Variants in ARMC2 observed in about 807,000 individuals in gnomAD.
ARMC2 encodes armadillo repeat containing 2.
A neutral mutation model predicts 90.3 loss-of-function variants in ARMC2; 67 were observed. The ratio of observed to expected loss-of-function variants is 0.74; its 90% confidence interval spans 0.61 to 0.91. The LOEUF is 0.91. ARMC2 is among the 40% of genes least tolerant of loss of function. The probability of loss-of-function intolerance (pLI) is 0.00; values close to 1 mark genes in which losing one functional copy is unlikely to be tolerated. For missense variants in ARMC2, 920 were observed against 1,030.9 expected (o/e 0.89, Z 1.47); for synonymous variants, 393 against 393.0 (o/e 1.00, Z 0.00).
downstream of ARMC2, among the ~76,000 whole-genome samples, chr6:108,979,352 G>A (rs956276383): frequency 3.9e-5 from 6 of 152,144 alleles, no homozygotes; most frequent in South Asian, 4.1e-4. Context: ...CGTTTCTGCC[G>A]AGAGATCCGC....
chr6:108,887,056 C>T (rs550693834), intron 5 of ARMC2, among the ~76,000 whole-genome samples: 4 of 151,724 alleles, frequency 2.6e-5, no homozygotes, highest in South Asian at 2.1e-4. Context: ...TATAGGTACA[C>T]GCCACCACCC....
At chr6:108,854,566 C>CT in intron 2 of ARMC2, 81 bp downstream of exon 2, 3 of 1,373,704 alleles carry the variant, frequency 2.2e-6, no homozygotes, top group Non-Finnish European at 3.0e-6. Context: ...TTAAGGTTAG[C>CT]TTTTAAAAAT....
the ARMC2 span, chr6:108,998,627 A>G: frequency 6.2e-7 from 1 of 1,614,000 alleles, no homozygotes; most frequent in South Asian, 1.1e-5. Flanking sequence ...GGCCACCATC[A>G]CAATGAATTT....
intron 7 of ARMC2, among the ~76,000 whole-genome samples, chr6:108,902,346 A>T (rs963357766): frequency 6.6e-6 from 1 of 152,210 alleles, no homozygotes; most frequent in African/African-American, 2.4e-5. Flanking sequence ...AAAGCTAAAA[A>T]CAAGTATTCT....
the ARMC2 span, among the ~76,000 whole-genome samples, chr6:109,023,216 A>G: frequency 1.3e-5 from 2 of 152,196 alleles, no homozygotes; most frequent in Admixed American, 1.3e-4. Flanking sequence ...GATTCCATTT[A>G]TCTACTTATG....
chr6:108,915,883 A>G (rs1490100691), intron 10 of ARMC2, among the ~76,000 whole-genome samples: 3 of 152,200 alleles, frequency 2.0e-5, no homozygotes, highest in African/African-American at 7.2e-5. Flanking sequence ...AAACTGATAA[A>G]GACCAAATAG....
chr6:109,042,201 G>A, the ARMC2 span, among the ~76,000 whole-genome samples: 1 of 151,980 alleles, frequency 6.6e-6, no homozygotes, highest in African/African-American at 2.4e-5. Context: ...GGACACAGCT[G>A]AAGCAGTGCT....
At chr6:109,025,773 A>G in the ARMC2 span, among the ~76,000 whole-genome samples, 1 of 152,112 alleles carries the variant, frequency 6.6e-6, no homozygotes, top group Non-Finnish European at 1.5e-5. Flanking sequence ...TCCAGAATAT[A>G]GCACATACAG....
At chr6:108,857,713 G>C (rs1013895564) in intron 2 of ARMC2, among the ~76,000 whole-genome samples, 6 of 152,124 alleles carry the variant, frequency 3.9e-5, no homozygotes, top group Non-Finnish European at 8.8e-5. Flanking sequence ...GTTGGATTTT[G>C]CCAAATGCTT....
At chr6:108,929,547 C>CT (rs1450912235) in intron 11 of ARMC2, among the ~76,000 whole-genome samples, 1 of 152,136 alleles carries the variant, frequency 6.6e-6, no homozygotes, top group Admixed American at 6.5e-5. Flanking sequence ...ACAAACATGG[C>CT]TTACTACAGC....
At chr6:108,877,845 A>G (rs1777088108) in intron 5 of ARMC2, among the ~76,000 whole-genome samples, 1 of 152,198 alleles carries the variant, frequency 6.6e-6, no homozygotes, top group Non-Finnish European at 1.5e-5. Flanking sequence ...TTATCCCACA[A>G]ACAGCAAAAG....
At chr6:109,023,322 A>C in the ARMC2 span, among the ~76,000 whole-genome samples, 12 of 152,250 alleles carry the variant, frequency 7.9e-5, no homozygotes, top group African/African-American at 2.6e-4. Context: ...CTTCCTTCAA[A>C]AGTCTTCTCA....
At chr6:108,934,575 G>T (rs1212639774) in intron 11 of ARMC2, among the ~76,000 whole-genome samples, 1 of 151,926 alleles carries the variant, frequency 6.6e-6, no homozygotes, top group Non-Finnish European at 1.5e-5. Flanking sequence ...AAAGCTGATC[G>T]GCTTCTTGAA....
intron 3 of ARMC2, among the ~76,000 whole-genome samples, chr6:108,860,661 CA>C (rs61194526): frequency 0.015 from 873 of 60,058 alleles, 9 homozygotes; most frequent in African/African-American, 0.043. Context: ...GACTCCATCT[CA>C]AAAAAAAAAA....
intron 17 of ARMC2, among the ~76,000 whole-genome samples, chr6:108,968,778 G>C (rs1040320289): frequency 6.6e-6 from 1 of 152,176 alleles, no homozygotes; most frequent in Non-Finnish European, 1.5e-5. Context: ...CACTGTTTTT[G>C]CAAATACTGG....
intron 17 of ARMC2, among the ~76,000 whole-genome samples, chr6:108,966,539 G>T (rs1778385903): frequency 6.6e-6 from 1 of 152,082 alleles, no homozygotes; most frequent in Non-Finnish European, 1.5e-5. Flanking sequence ...GAAATAATTG[G>T]GTTTGCTAGG....
the ARMC2 span, among the ~76,000 whole-genome samples, chr6:109,046,695 C>G: frequency 7.4e-6 from 1 of 135,300 alleles, no homozygotes; most frequent in Non-Finnish European, 1.6e-5. Flanking sequence ...TCTGCCCGGC[C>G]GCCCATCGTC....
At chr6:108,921,488 A>C (rs1393267374) in intron 10 of ARMC2, among the ~76,000 whole-genome samples, 3 of 142,494 alleles carry the variant, frequency 2.1e-5, no homozygotes, top group African/African-American at 7.3e-5. Flanking sequence ...ATATCTTAAT[A>C]AATTCCAAGA....
intron 3 of ARMC2, among the ~76,000 whole-genome samples, chr6:108,863,244 G>A (rs1284913301): frequency 1.3e-5 from 2 of 152,066 alleles, no homozygotes; most frequent in Admixed American, 6.5e-5. Context: ...CACCACACCT[G>A]GCTAATTTTT....
Sources: gnomAD v4.1 joint callset for allele counts (sites outside exome capture counted in the v4.1 genomes callset) on GRCh38, gnomAD v4.1.1 for gene constraint, MANE v1.5 for transcripts, NCBI Gene and HGNC (gene_info 2026-07-23, HGNC 2026-07-21) for gene names.